PABPC1: variants seen among roughly 807,000 people sequenced by gnomAD.
The protein encoded by PABPC1 is polyadenylate-binding protein 1.
A neutral mutation model predicts 74.0 loss-of-function variants in PABPC1; 4 were observed. The observed-to-expected ratio is 0.05, with a 90% CI of 0.03 to 0.12. The LOEUF (loss-of-function observed/expected upper bound fraction) is 0.12. Ranked by LOEUF, PABPC1 falls within the 10% of genes least tolerant of loss-of-function variation. The pLI is 1.00. For missense variants in PABPC1, 271 were observed against 821.1 expected (o/e 0.33, Z 8.19); for synonymous variants, 227 against 264.1 (o/e 0.86, Z 1.36).
intron 7 of PABPC1, among the ~76,000 whole-genome samples, chr8:100,711,212 G>C (rs910205607): frequency 6.6e-6 from 1 of 152,074 alleles, no homozygotes; most frequent in Middle Eastern, 3.2e-3. Context: ...CCCGGGAGGC[G>C]GAGGCTGCAG....
Position 100,721,689 on chromosome 8 carries a change from A to G in PABPC1, c.-106T>C. The G allele has an allele frequency of 1.0e-6, 1 of 974,500 alleles. No homozygotes were observed. Among genetic ancestry groups the G allele is most frequent in the South Asian group, 2.1e-5 (1 of 48,296 alleles). 60.4% of individuals were successfully genotyped at this position (974,500 alleles called of 1,614,324 possible). A position where few individuals can be genotyped will look rare whatever the true frequency, so the allele number is the denominator to read the frequency against. On this transcript the variant is annotated 5_prime_UTR_variant, in exon 1 of 15. Transcript: ENST00000318607. This position sits in a 1 kb window ranked among gnomAD's most constrained non-coding sequence, Gnocchi z 7.4. ...AGCCGGGGGGAGGGGAGCGGGGAGC[A>G]AGCGCAGAGGGACAAAAATCAACCG...
At chr8:100,712,879 C>A in intron 5 of PABPC1, 90 bp from the exon 6 acceptor site, 1 of 1,415,468 alleles carries the variant, frequency 7.1e-7, no homozygotes, top group Middle Eastern at 2.3e-4. Flanking sequence ...TTTGTTAAGT[C>A]ACAAAAGCTA....
intron 1 of PABPC1, among the ~76,000 whole-genome samples, chr8:100,720,458 G>T (rs1384755372): frequency 6.6e-6 from 1 of 152,188 alleles, no homozygotes; most frequent in East Asian, 1.9e-4. Flanking sequence ...GCATGCTACA[G>T]ATAAGACTGG....
In PABPC1 at chr8:100,721,652, G is replaced by C; in HGVS notation, c.-69C>G. On this transcript the variant is annotated 5_prime_UTR_variant, in exon 1 of 15. Coordinates refer to ENST00000318607, the MANE Select transcript of PABPC1 (RefSeq NM_002568.4). The surrounding 1 kb of genome is among the most constrained non-coding windows in gnomAD (Gnocchi z 7.4). ...TGAGAGGAGGAGAGCGAGTGCCGGG[G>C]CTGGGGGCCGGAGCCGGGGGGAGGG... 1 of 1,318,522 alleles carries C rather than the reference G, an allele frequency of 7.6e-7. No individual in the cohort carries two copies. Among genetic ancestry groups the C allele is most frequent in the Admixed American group, 2.9e-5 (1 of 34,674 alleles). 81.7% of individuals were successfully genotyped at this position (1,318,522 alleles called of 1,614,324 possible).
At position 100,704,916 on chromosome 8, in the gene PABPC1, T is replaced by A; in HGVS notation, c.1818+10A>T. 1 of 1,607,862 alleles carries A rather than the reference T, an allele frequency of 6.2e-7. No individual in the cohort carries two copies. Among genetic ancestry groups the A allele is most frequent in the Non-Finnish European group, 8.5e-7 (1 of 1,177,280 alleles). ...TGTAAGAGGCAACTTGGTAAATAAA[T>A]TTAAATCACCTTAGAACGGAGTGAC... On this transcript the variant is annotated intron_variant, in intron 13 of 14. Coordinates refer to ENST00000318607, the MANE Select transcript of PABPC1 (RefSeq NM_002568.4).
intron 9 of PABPC1, 109 bp from the exon 10 acceptor site, chr8:100,707,106 A>G (rs1427196124): frequency 1.4e-6 from 1 of 728,690 alleles, no homozygotes; most frequent in East Asian, 2.8e-5. Context: ...AAAAAGTGAC[A>G]AAACTTTTTA....
intron 12 of PABPC1, 34 bp from the exon 13 acceptor site, chr8:100,705,090 T>TAA: frequency 6.3e-7 from 1 of 1,589,278 alleles, no homozygotes; most frequent in South Asian, 1.2e-5. Context: ...CTCCCTTCAA[T>TAA]AAAAAAAAGT....
intron 13 of PABPC1, 61 bp downstream of exon 13, chr8:100,704,865 C>T (rs962627668): frequency 9.8e-6 from 15 of 1,538,032 alleles, no homozygotes; most frequent in Non-Finnish European, 1.3e-5. Flanking sequence ...ACAATTAAGT[C>T]CCCATAAAAA....
chr8:100,709,035 T>A lies in PABPC1; in HGVS notation c.1336+98A>T, dbSNP rs571110058. The stretch of plus-strand genomic sequence containing the variant: ...ATCCATAACCACAAATTATGTGAAA[T>A]GCAATAGTTAACCTAACATTGACAT... On this transcript the variant is annotated intron_variant, in intron 9 of 14. Transcript: ENST00000318607. The A allele has an allele frequency of 9.8e-6, 9 of 917,354 alleles. No homozygotes were observed. In the East Asian group the frequency reaches 2.2e-4, roughly 22 times the overall value. The allele number at this position is 917,354 out of a possible 1,614,324, so 56.8% of individuals were successfully genotyped here.
chr8:100,704,784 A>G, intron 13 of PABPC1, 142 bp downstream of exon 13: 1 of 829,146 alleles, frequency 1.2e-6, no homozygotes. Context: ...GGGGATAAAT[A>G]GCGCCACAGG....
rs1186976816 is a variant in PABPC1 at position 100,711,302 on chromosome 8, C to CATAA, written c.972+1056_972+1059dup. The stretch of plus-strand genomic sequence containing the variant: ...TAAAAAAGACAAAAAAAAAACACCT[C>CATAA]ATAAGTTTAAGAATTTGTGTTGCAC... On this transcript the variant is annotated intron_variant, in intron 7 of 14. Coordinates refer to ENST00000318607, the MANE Select transcript of PABPC1 (RefSeq NM_002568.4). Among the ~76,000 whole-genome samples the CATAA allele has an allele frequency of 1.1e-4, 17 of 152,070 alleles. No homozygotes were observed. In the East Asian group the frequency reaches 3.3e-3, roughly 29 times the overall value.
At chr8:100,707,584 A>G (rs1162938797) in intron 9 of PABPC1, among the ~76,000 whole-genome samples, 1 of 152,236 alleles carries the variant, frequency 6.6e-6, no homozygotes, top group Non-Finnish European at 1.5e-5. Flanking sequence ...TCACTAATTT[A>G]CTACTGCTAT....
intron 8 of PABPC1, 77 bp from the exon 9 acceptor site, chr8:100,709,300 CA>C: frequency 6.7e-7 from 1 of 1,484,032 alleles, no homozygotes; most frequent in Non-Finnish European, 9.4e-7. Context: ...TGTACTTTTT[CA>C]AAACATTTAC....
intron 1 of PABPC1, among the ~76,000 whole-genome samples, chr8:100,719,799 TCCA>T (rs1810767457): frequency 6.6e-6 from 1 of 152,246 alleles, no homozygotes; most frequent in African/African-American, 2.4e-5. Flanking sequence ...CCATGTTTTC[TCCA>T]CCAACTCTTA....
chr8:100,720,798 G>A, intron 1 of PABPC1, among the ~76,000 whole-genome samples: 1 of 152,142 alleles, frequency 6.6e-6, no homozygotes, highest in Non-Finnish European at 1.5e-5. Flanking sequence ...CTGGGAAGTG[G>A]ACTCACAAGC....
At chr8:100,705,761 T>A (rs1396289521) in intron 11 of PABPC1, 88 bp from the exon 12 acceptor site, 1 of 836,260 alleles carries the variant, frequency 1.2e-6, no homozygotes, top group African/African-American at 1.7e-5. Context: ...GCTGAAGTGG[T>A]AGACTTCCAT....
chr8:100,712,296 T>C (rs916064688), intron 7 of PABPC1, 66 bp downstream of exon 7: 6 of 882,794 alleles, frequency 6.8e-6, no homozygotes, highest in East Asian at 2.5e-5. Flanking sequence ...ACAAAATTTA[T>C]ATACATATAT....
chr8:100,710,037 A>C (rs1810486106), intron 7 of PABPC1, among the ~76,000 whole-genome samples: 1 of 152,250 alleles, frequency 6.6e-6, no homozygotes, highest in African/African-American at 2.4e-5. Context: ...TAATTATCTA[A>C]ATAAATACAT....
intron 3 of PABPC1, among the ~76,000 whole-genome samples, chr8:100,716,694 T>TAA (rs1345243018): frequency 2.0e-5 from 3 of 152,222 alleles, no homozygotes; most frequent in Non-Finnish European, 4.4e-5. Context: ...TGCTGCAACT[T>TAA]TTTTAAGAGA....
Sources: gnomAD v4.1 joint callset for allele counts (sites outside exome capture counted in the v4.1 genomes callset) on GRCh38, gnomAD v4.1.1 for gene constraint, Gnocchi (gnomAD v3.1) non-coding constraint, MANE v1.5 for transcripts, NCBI Gene and HGNC (gene_info 2026-07-23, HGNC 2026-07-21) for gene names.